The following CUEDC1 variants were observed in gnomAD, a reference collection of about 807,000 sequenced individuals.
The protein encoded by CUEDC1 is CUE domain-containing protein 1.
Under a neutral mutation model 43.7 loss-of-function variants are expected in CUEDC1, and 30 were observed. That is an observed-to-expected ratio of 0.69 (90% confidence interval 0.51 to 0.93). CUEDC1 has a LOEUF of 0.93. Among genes scored for constraint, CUEDC1 ranks in the 40% least tolerant of loss-of-function variants. The pLI, the probability that CUEDC1 is intolerant of heterozygous loss-of-function variation, is 0.00. For synonymous variants in CUEDC1, 223 were observed against 223.6 expected (o/e 1.00, Z 0.02); for missense variants, 486 against 549.0 (o/e 0.89, Z 1.15).
intron 2 of CUEDC1, among the ~76,000 whole-genome samples, chr17:57,883,849 T>C (rs2074249516): frequency 6.6e-6 from 1 of 152,204 alleles, no homozygotes; most frequent in African/African-American, 2.4e-5. Flanking sequence ...GTCTTGTCCA[T>C]GGCTGCATGT....
rs981120049 is a variant in CUEDC1 at position 57,921,867 on chromosome 17, C to A, written c.-316+33358G>T. Among the ~76,000 whole-genome samples the A allele has an allele frequency of 1.2e-4, 19 of 152,326 alleles. No individual in the cohort carries two copies. In the East Asian group the frequency reaches 3.5e-3, roughly 28 times the overall value. On this transcript the variant is annotated intron_variant, in intron 1 of 10. Coordinates refer to ENST00000577830, the MANE Select transcript of CUEDC1 (RefSeq NM_001271875.2). ...GTGGCTCACACCTATAATCCCAGCA[C>A]TTTAGGAGGCCAAGATGGGCGTATC... is the stretch of plus-strand genomic sequence containing the variant.
At chr17:57,871,487 A>T (rs2074034076) in intron 5 of CUEDC1, 118 bp from the exon 6 acceptor site, 1 of 748,424 alleles carries the variant, frequency 1.3e-6, no homozygotes, top group African/African-American at 1.7e-5. Context: ...ACATGAGCAC[A>T]CACGGGCACC....
intron 1 of CUEDC1, among the ~76,000 whole-genome samples, chr17:57,898,774 A>G (rs1179808390): frequency 6.6e-6 from 1 of 152,192 alleles, no homozygotes; most frequent in Non-Finnish European, 1.5e-5. Context: ...AGGGACCTCC[A>G]GGACCTCAGG....
chr17:57,917,472 G>C (rs922642284), intron 1 of CUEDC1, among the ~76,000 whole-genome samples: 2 of 152,158 alleles, frequency 1.3e-5, no homozygotes, highest in Non-Finnish European at 2.9e-5. Flanking sequence ...TTCACTCCAC[G>C]GAGTCTCTTC....
intron 2 of CUEDC1, among the ~76,000 whole-genome samples, chr17:57,884,702 G>A (rs923708959): frequency 1.3e-5 from 2 of 152,154 alleles, no homozygotes; most frequent in African/African-American, 2.4e-5. Context: ...TAGGGTTTCG[G>A]CTTAGCCATC....
At chr17:57,909,922 C>T (rs535833856) in intron 1 of CUEDC1, among the ~76,000 whole-genome samples, 254 of 152,346 alleles carry the variant, frequency 1.7e-3, no homozygotes, top group African/African-American at 5.8e-3. Context: ...AACGGTCAGG[C>T]TGAGGAAATA....
At chr17:57,928,738 A>G (rs1391155135) in intron 1 of CUEDC1, among the ~76,000 whole-genome samples, 1 of 143,766 alleles carries the variant, frequency 7.0e-6, no homozygotes, top group Non-Finnish European at 1.5e-5. Context: ...GCATTCGAGA[A>G]TTAGAGGTAC....
chr17:57,933,058 G>A (rs2074824143), intron 1 of CUEDC1, among the ~76,000 whole-genome samples: 1 of 152,132 alleles, frequency 6.6e-6, no homozygotes, highest in Non-Finnish European at 1.5e-5. Context: ...TGGGGGGCCA[G>A]ATGATCCCCA....
At chr17:57,924,707 T>C (rs1296314539) in intron 1 of CUEDC1, among the ~76,000 whole-genome samples, 13 of 151,942 alleles carry the variant, frequency 8.6e-5, no homozygotes, top group Non-Finnish European at 1.9e-4. Flanking sequence ...GTCCCACTTC[T>C]ATGGAGCCAA....
At chr17:57,867,625 C>A in intron 8 of CUEDC1, 1 of 590,352 alleles carries the variant, frequency 1.7e-6, no homozygotes, top group Non-Finnish European at 3.0e-6. Flanking sequence ...CAGCTTACAT[C>A]TCTGGGGATG....
At chr17:57,908,929 A>C (rs987118205) in intron 1 of CUEDC1, among the ~76,000 whole-genome samples, 3 of 152,050 alleles carry the variant, frequency 2.0e-5, no homozygotes, top group Non-Finnish European at 2.9e-5. Flanking sequence ...CCCAGGAGGC[A>C]GAGGTTGCAG....
chr17:57,864,420 G>A (rs1298664486), intron 10 of CUEDC1, among the ~76,000 whole-genome samples: 1 of 152,156 alleles, frequency 6.6e-6, no homozygotes, highest in Non-Finnish European at 1.5e-5. Context: ...GAGCAACAAG[G>A]AGAGCCAGTA....
intron 1 of CUEDC1, among the ~76,000 whole-genome samples, chr17:57,934,865 G>C (rs1460400693): frequency 6.6e-6 from 1 of 151,770 alleles, no homozygotes; most frequent in Non-Finnish European, 1.5e-5. Flanking sequence ...GCCCCACCAT[G>C]CCCAGCTAAT....
Position 57,939,922 on chromosome 17 carries a change from CCACCCCCACCA to C in CUEDC1, c.-316+15292_-316+15302del, listed in dbSNP as rs1395120144. Among the ~76,000 whole-genome samples, 5 of 152,228 alleles carry C rather than the reference CCACCCCCACCA, an allele frequency of 3.3e-5. No individual in the cohort carries two copies. In the South Asian group the frequency reaches 1.0e-3, roughly 32 times the overall value. On this transcript the variant is annotated intron_variant, in intron 1 of 10. Transcript: ENST00000577830. The stretch of plus-strand genomic sequence containing the variant: ...GACTCACTGAGAACAGCTGCGTCAG[CCACCCCCACCA>C]CACCCCCACACACCCCCGGCACTTG...
chr17:57,870,352 C>G (rs1328867728), intron 6 of CUEDC1, among the ~76,000 whole-genome samples: 1 of 152,244 alleles, frequency 6.6e-6, no homozygotes, highest in African/African-American at 2.4e-5. Context: ...AGCAGAAGGG[C>G]CTGGCCCTCT....
intron 1 of CUEDC1, among the ~76,000 whole-genome samples, chr17:57,950,476 TA>T (rs2074996328): frequency 6.8e-6 from 1 of 147,152 alleles, no homozygotes; most frequent in African/African-American, 2.5e-5. Flanking sequence ...TTTATTTATT[TA>T]TTTTTTTTTT....
At chr17:57,902,186 C>T (rs1213762969) in intron 1 of CUEDC1, among the ~76,000 whole-genome samples, 1 of 148,678 alleles carries the variant, frequency 6.7e-6, no homozygotes, top group African/African-American at 2.5e-5. Flanking sequence ...AGCGAGACTC[C>T]ACCTCAGAAA....
At chr17:57,925,593 G>A (rs1197354364) in intron 1 of CUEDC1, among the ~76,000 whole-genome samples, 2 of 152,168 alleles carry the variant, frequency 1.3e-5, no homozygotes, top group African/African-American at 4.8e-5. Flanking sequence ...CCGCTGCAGG[G>A]TCCAGTGTCC....
chr17:57,897,406 C>A (rs994892808), intron 1 of CUEDC1, among the ~76,000 whole-genome samples: 2 of 152,186 alleles, frequency 1.3e-5, no homozygotes, highest in Admixed American at 1.3e-4. Flanking sequence ...CGCAGTGGCT[C>A]ACGCCTGTAA....
Sources: allele counts gnomAD v4.1 joint callset (sites outside exome capture counted in the v4.1 genomes callset), GRCh38; gene constraint gnomAD v4.1.1; transcripts MANE v1.5; gene names NCBI Gene and HGNC (gene_info 2026-07-23, HGNC 2026-07-21).